Variants in SLC44A5 observed in about 807,000 individuals in gnomAD.
The protein encoded by SLC44A5 is choline transporter-like protein 5.
In SLC44A5, 57 loss-of-function variants were observed where a neutral mutation model predicts 101.8. That is an observed-to-expected ratio of 0.56 (90% CI 0.45 to 0.70). The LOEUF is 0.70. SLC44A5 is among the 30% of genes least tolerant of loss of function. SLC44A5 has a pLI of 0.00. For synonymous variants in SLC44A5, 281 were observed against 290.9 expected (o/e 0.97, Z 0.35); for missense variants, 737 against 853.1 (o/e 0.86, Z 1.70).
chr1:75,292,123 G>C (rs565087157), intron 5 of SLC44A5, among the ~76,000 whole-genome samples: 2 of 151,702 alleles, frequency 1.3e-5, no homozygotes, highest in Non-Finnish European at 2.9e-5. Flanking sequence ...ATTTTTTTTA[G>C]TTGTTAGTGT....
the SLC44A5 span, among the ~76,000 whole-genome samples, chr1:75,661,863 T>C: frequency 6.6e-6 from 1 of 152,088 alleles, no homozygotes; most frequent in Non-Finnish European, 1.5e-5. Context: ...ATGGTAAGGT[T>C]ACAGAGGAAG....
At chr1:75,543,393 C>T (rs1671458556) in intron 1 of SLC44A5, among the ~76,000 whole-genome samples, 1 of 151,870 alleles carries the variant, frequency 6.6e-6, no homozygotes, top group Non-Finnish European at 1.5e-5. Context: ...TTCCTCTCCA[C>T]CAAACCATCC....
intron 2 of SLC44A5, among the ~76,000 whole-genome samples, chr1:75,398,668 T>C (rs1288154497): frequency 1.3e-5 from 2 of 152,176 alleles, no homozygotes; most frequent in South Asian, 2.1e-4. Flanking sequence ...CCATACAGTA[T>C]AGTTTTGACT....
At chr1:75,371,863 C>T (rs1486771766) in intron 3 of SLC44A5, among the ~76,000 whole-genome samples, 2 of 152,042 alleles carry the variant, frequency 1.3e-5, no homozygotes, top group Non-Finnish European at 2.9e-5. Context: ...GTTCATCCTG[C>T]CAGAAAGAAA....
chr1:75,365,724 G>A (rs1441753260), intron 3 of SLC44A5, among the ~76,000 whole-genome samples: 2 of 152,110 alleles, frequency 1.3e-5, no homozygotes, highest in Admixed American at 6.5e-5. Context: ...ATGAGTTCTT[G>A]TTCTTTTTAT....
At position 75,300,225 on chromosome 1, in the gene SLC44A5, T is replaced by C. The variant is rs755506281; in HGVS notation, c.175+387A>G. On this transcript the variant is annotated intron_variant, in intron 5 of 23. Transcript: ENST00000370859. ...AATTGTTCCTTCTTTTTAATTTGCT[T>C]ATAAAAAGAAAAGTTTATATATTTA... is the stretch of plus-strand genomic sequence containing the variant. 8.6e-5 allele frequency among the ~76,000 whole-genome samples: 13 copies of C among 152,020 alleles called. 1 individual carries two copies. The highest frequency in any genetic ancestry group is 1.3e-4 in the Non-Finnish European group (9 of 68,012).
At chr1:75,280,874 T>A (rs1359670221) in intron 5 of SLC44A5, among the ~76,000 whole-genome samples, 2 of 151,898 alleles carry the variant, frequency 1.3e-5, no homozygotes, top group African/African-American at 2.4e-5. Context: ...GTGAATCAAT[T>A]AAACCTCTTT....
At chr1:75,523,600 G>C (rs1055906188) in intron 2 of SLC44A5, among the ~76,000 whole-genome samples, 1 of 152,174 alleles carries the variant, frequency 6.6e-6, no homozygotes, top group African/African-American at 2.4e-5. Context: ...GGGATTACAG[G>C]CGTGAGCCAC....
At chr1:75,420,606 T>C (rs763501278) in intron 2 of SLC44A5, among the ~76,000 whole-genome samples, 17 of 152,170 alleles carry the variant, frequency 1.1e-4, no homozygotes, top group Admixed American at 2.0e-4. Context: ...CTATTCAATA[T>C]AAATTCCTCA....
intron 4 of SLC44A5, among the ~76,000 whole-genome samples, chr1:75,331,089 A>G (rs1361694665): frequency 6.7e-6 from 1 of 148,890 alleles, no homozygotes; most frequent in East Asian, 2.0e-4. Context: ...AATGCTTTTG[A>G]GTCTGGAGTG....
chr1:75,653,411 G>T, the SLC44A5 span, among the ~76,000 whole-genome samples: 1 of 152,146 alleles, frequency 6.6e-6, no homozygotes, highest in Non-Finnish European at 1.5e-5. Flanking sequence ...GAATCCGGGA[G>T]GCAGAGGTTG....
intron 4 of SLC44A5, among the ~76,000 whole-genome samples, chr1:75,321,044 T>A (rs1223923653): frequency 6.6e-6 from 1 of 152,158 alleles, no homozygotes; most frequent in Non-Finnish European, 1.5e-5. Flanking sequence ...AAATGCAAAT[T>A]ACACTTTAGT....
chr1:75,497,625 T>C (rs991790214), intron 2 of SLC44A5, among the ~76,000 whole-genome samples: 42 of 152,080 alleles, frequency 2.8e-4, no homozygotes, highest in African/African-American at 9.4e-4. Context: ...AGAGATTAGA[T>C]CTTAGGTGTT....
chr1:75,237,100 AT>A, intron 10 of SLC44A5, 30 bp from the exon 11 acceptor site: 3 of 1,346,140 alleles, frequency 2.2e-6, no homozygotes, highest in Non-Finnish European at 3.2e-6. Context: ...AAAATCAATT[AT>A]TTTTTGATGA....
At chr1:75,247,297 T>G (rs533208997) in intron 7 of SLC44A5, among the ~76,000 whole-genome samples, 10 of 152,130 alleles carry the variant, frequency 6.6e-5, no homozygotes, top group African/African-American at 2.4e-4. Flanking sequence ...ATCAAGGTAT[T>G]TGGAGCTGGC....
intron 2 of SLC44A5, among the ~76,000 whole-genome samples, chr1:75,541,197 A>C (rs945470374): frequency 2.0e-5 from 3 of 152,166 alleles, no homozygotes; most frequent in Non-Finnish European, 2.9e-5. Flanking sequence ...TGTTCCCAAG[A>C]ATCACTGCTA....
chr1:75,723,757 A>C, the SLC44A5 span: 1 of 152,212 alleles, frequency 6.6e-6, no homozygotes, highest in Admixed American at 6.5e-5. Flanking sequence ...TTCACTTTGA[A>C]TATAGCGCTT....
chr1:75,222,993 G>A (rs1040856778), intron 13 of SLC44A5, among the ~76,000 whole-genome samples: 2 of 152,080 alleles, frequency 1.3e-5, no homozygotes, highest in African/African-American at 4.8e-5. Context: ...GCCAATATAA[G>A]TATTAGAATT....
chr1:75,662,027 T>C, the SLC44A5 span, among the ~76,000 whole-genome samples: 1 of 152,062 alleles, frequency 6.6e-6, no homozygotes, highest in Non-Finnish European at 1.5e-5. Flanking sequence ...AATCAGTATA[T>C]TGAAGAGACA....
Sources: gnomAD v4.1 joint callset for allele counts (sites outside exome capture counted in the v4.1 genomes callset) on GRCh38, gnomAD v4.1.1 for gene constraint, MANE v1.5 for transcripts, NCBI Gene and HGNC (gene_info 2026-07-23, HGNC 2026-07-21) for gene names.